Variants in PLCB1 observed in about 807,000 individuals in gnomAD.
PLCB1 encodes phospholipase C beta 1.
PLCB1 carries 46 observed loss-of-function variants against 161.8 expected under a neutral mutation model. That is an observed-to-expected ratio of 0.28 (90% CI 0.22 to 0.36). PLCB1 has a LOEUF of 0.36. PLCB1 is among the 10% of genes least tolerant of loss of function. The pLI is 1.00. For missense variants in PLCB1, 1,016 were observed against 1,472.5 expected, an observed-to-expected ratio of 0.69 and a Z score of 5.07; for synonymous variants, 517 against 503.7, an observed-to-expected ratio of 1.03 and a Z score of -0.35.
chr20:8,417,048 C>CATATAT (rs1568667905), intron 3 of PLCB1, among the ~76,000 whole-genome samples: 3 of 55,804 alleles, frequency 5.4e-5, no homozygotes, highest in African/African-American at 2.0e-4. Context: ...CACACACACA[C>CATATAT]ACACACATAT....
chr20:8,207,290 A>G (rs927800629), intron 2 of PLCB1, among the ~76,000 whole-genome samples: 1 of 152,228 alleles, frequency 6.6e-6, no homozygotes, highest in Non-Finnish European at 1.5e-5. Flanking sequence ...ATGATTTGCA[A>G]TGAACTGCCA....
intron 31 of PLCB1, among the ~76,000 whole-genome samples, chr20:8,845,524 T>A (rs969013249): frequency 2.6e-5 from 4 of 152,244 alleles, no homozygotes; most frequent in Admixed American, 2.0e-4. Flanking sequence ...ACATTTCAGA[T>A]GCTCAATAGG....
At chr20:8,374,230 C>T (rs150379411) in intron 3 of PLCB1, among the ~76,000 whole-genome samples, 251 of 152,256 alleles carry the variant, frequency 1.6e-3, no homozygotes, top group African/African-American at 5.8e-3. Context: ...CTCACGAGAT[C>T]TGATGGTTTT....
At chr20:8,192,841 G>A (rs2051984026) in intron 2 of PLCB1, among the ~76,000 whole-genome samples, 1 of 151,766 alleles carries the variant, frequency 6.6e-6, no homozygotes, top group African/African-American at 2.4e-5. Context: ...ATGGAGGGGG[G>A]CTAATGTGTG....
At chr20:8,461,031 G>T (rs544530903) in intron 3 of PLCB1, among the ~76,000 whole-genome samples, 3 of 152,296 alleles carry the variant, frequency 2.0e-5, no homozygotes, top group South Asian at 4.1e-4. Flanking sequence ...AATGTGGCCA[G>T]TGCAACTCAG....
At chr20:8,687,878 A>G (rs1990394933) in intron 10 of PLCB1, among the ~76,000 whole-genome samples, 1 of 152,190 alleles carries the variant, frequency 6.6e-6, no homozygotes, top group South Asian at 2.1e-4. Flanking sequence ...ATCAAATGGT[A>G]GTTCTACTTT....
At chr20:8,567,504 T>C (rs753498917) in intron 3 of PLCB1, among the ~76,000 whole-genome samples, 3 of 152,074 alleles carry the variant, frequency 2.0e-5, no homozygotes, top group Non-Finnish European at 4.4e-5. Flanking sequence ...TGATGGAAAA[T>C]CTCTCTAAAA....
At chr20:8,861,555 C>T (rs1237144567) in intron 31 of PLCB1, among the ~76,000 whole-genome samples, 2 of 151,992 alleles carry the variant, frequency 1.3e-5, no homozygotes, top group African/African-American at 4.8e-5. Flanking sequence ...CATGGTGAAA[C>T]CCCGTCTCTA....
intron 3 of PLCB1, among the ~76,000 whole-genome samples, chr20:8,561,063 T>C (rs2123022636): frequency 6.6e-6 from 1 of 152,028 alleles, no homozygotes; most frequent in East Asian, 1.9e-4. Context: ...ATCAAAGTCC[T>C]ATCTAGAAGC....
chr20:8,270,164 G>A (rs892870670), intron 2 of PLCB1, among the ~76,000 whole-genome samples: 1 of 152,096 alleles, frequency 6.6e-6, no homozygotes, highest in African/African-American at 2.4e-5. Flanking sequence ...ATGTTGCATA[G>A]CACTGTGACC....
chr20:8,426,801 C>T (rs906568432), intron 3 of PLCB1, among the ~76,000 whole-genome samples: 1 of 152,044 alleles, frequency 6.6e-6, no homozygotes, highest in Admixed American at 6.6e-5. Flanking sequence ...TCATAAACCT[C>T]AAATATATAC....
intron 3 of PLCB1, among the ~76,000 whole-genome samples, chr20:8,375,226 C>T (rs1987033252): frequency 6.6e-6 from 1 of 152,214 alleles, no homozygotes; most frequent in Admixed American, 6.5e-5. Flanking sequence ...CTCTCTCTCC[C>T]TCCTTCCGGC....
chr20:8,531,494 T>C (rs1484344647), intron 3 of PLCB1, among the ~76,000 whole-genome samples: 1 of 152,086 alleles, frequency 6.6e-6, no homozygotes, highest in Non-Finnish European at 1.5e-5. Context: ...TATATATGTA[T>C]GTATGCATTC....
intron 2 of PLCB1, among the ~76,000 whole-genome samples, chr20:8,363,393 T>C (rs916202933): frequency 1.3e-5 from 2 of 152,134 alleles, no homozygotes; most frequent in African/African-American, 4.8e-5. Flanking sequence ...GTGGTAGAAC[T>C]GATGCTCTTA....
intron 2 of PLCB1, among the ~76,000 whole-genome samples, chr20:8,287,780 C>T (rs1156487293): frequency 6.6e-6 from 1 of 152,136 alleles, no homozygotes; most frequent in Admixed American, 6.6e-5. Context: ...TTAACGCCTC[C>T]TAAAGCTAAG....
intron 3 of PLCB1, among the ~76,000 whole-genome samples, chr20:8,383,424 G>T (rs1340776949): frequency 2.0e-5 from 3 of 152,052 alleles, no homozygotes; most frequent in Admixed American, 6.6e-5. Context: ...GAGCCTATAT[G>T]TGTCTTTGCA....
chr20:8,405,084 T>C (rs1325085523), intron 3 of PLCB1, among the ~76,000 whole-genome samples: 1 of 152,102 alleles, frequency 6.6e-6, no homozygotes, highest in African/African-American at 2.4e-5. Flanking sequence ...TAACAAACCT[T>C]CCCAAAACCC....
At chr20:8,181,990 C>T (rs2051848797) in intron 2 of PLCB1, among the ~76,000 whole-genome samples, 1 of 151,938 alleles carries the variant, frequency 6.6e-6, no homozygotes, top group African/African-American at 2.4e-5. Context: ...AAAAAAGCTA[C>T]CACTAATACT....
At chr20:8,663,298 G>T (rs1989732195) in intron 9 of PLCB1, among the ~76,000 whole-genome samples, 1 of 151,834 alleles carries the variant, frequency 6.6e-6, no homozygotes, top group Admixed American at 6.6e-5. Flanking sequence ...CTTAAAGTAG[G>T]TGTTAAGCAA....
Sources: allele counts gnomAD v4.1 joint callset (sites outside exome capture counted in the v4.1 genomes callset), GRCh38; gene constraint gnomAD v4.1.1; transcripts MANE v1.5; gene names NCBI Gene and HGNC (gene_info 2026-07-23, HGNC 2026-07-21).